Variants in CES5A observed in about 807,000 individuals in gnomAD.
CES5A encodes carboxylesterase 5.
Under a neutral mutation model 62.9 loss-of-function variants are expected in CES5A, and 67 were observed. The observed-to-expected ratio is 1.07, with a 90% CI of 0.88 to 1.31. The LOEUF (loss-of-function observed/expected upper bound fraction) is 1.31. CES5A is among the 50% of genes most tolerant of loss of function. CES5A has a pLI of 0.00. For synonymous variants in CES5A, 296 were observed against 280.8 expected, an observed-to-expected ratio of 1.05 and a Z score of -0.54; for missense variants, 748 against 708.5, an observed-to-expected ratio of 1.06 and a Z score of -0.63.
At chr16:55,850,447 T>C (rs1241651520) in intron 10 of CES5A, among the ~76,000 whole-genome samples, 1 of 152,228 alleles carries the variant, frequency 6.6e-6, no homozygotes, top group Non-Finnish European at 1.5e-5. Context: ...TTGCCTAATC[T>C]GAACATTTCG....
At chr16:55,921,172 T>C (rs574178934) in intron 1 of CES5A, among the ~76,000 whole-genome samples, 2 of 152,168 alleles carry the variant, frequency 1.3e-5, no homozygotes, top group South Asian at 4.2e-4. Flanking sequence ...CAAAGAGAGT[T>C]CAACAAGAAT....
chr16:55,882,491 G>A (rs1321774887), intron 1 of CES5A, among the ~76,000 whole-genome samples: 8 of 152,092 alleles, frequency 5.3e-5, no homozygotes, highest in African/African-American at 9.7e-5. Context: ...CGTTTCCACC[G>A]TCACAGGCCT....
chr16:55,846,638 A>C lies in CES5A; in HGVS notation c.1541T>G (p.Leu514Arg), dbSNP rs1312492449. The change falls in exon 13 of 13, where the codon CTG becomes CGG. Residue 514 changes from leucine to arginine, a missense_variant. Physicochemically the swap from Leu to Arg is moderately radical, Grantham distance 102 (BLOSUM62 -2). Coordinates refer to ENST00000290567, the MANE Select transcript of CES5A (RefSeq NM_001143685.2). ...NDLSLWPAYN[L>R]TEQYLQLDLN... is the part of the protein sequence containing the mutation. ...GTCCAGCTGGAGGTACTGCTCAGTC[A>C]GATTATAAGCTGGCCACAGAGACAG... 6.2e-7 allele frequency: 1 copy of C among 1,614,058 alleles called. No individual in the cohort carries two copies. The highest frequency in any genetic ancestry group is 1.1e-5 in the South Asian group (1 of 91,088).
rs758629767 is a variant in CES5A, at chr16:55,866,092, C to T, written c.576G>A (p.Gly192=). ...FFTTWDQHAP[G]NWAFKDQVAA... ...CCACCTGGTCCTTGAAGGCCCAGTT[C>T]CCCGGAGCATGCTGATCCCATGTGC... is the stretch of plus-strand genomic sequence containing the variant. The change falls in exon 5 of 13, where the codon GGG becomes GGA. Residue 192 remains glycine (G), a synonymous_variant. Coordinates refer to ENST00000290567, the MANE Select transcript of CES5A (RefSeq NM_001143685.2). 1.2e-6 allele frequency: 2 copies of T among 1,613,678 alleles called. No individual in the cohort carries two copies. Among genetic ancestry groups the T allele is most frequent in the East Asian group, 2.2e-5 (1 of 44,852 alleles).
intron 3 of CES5A, 106 bp from the exon 4 acceptor site, chr16:55,869,850 C>T (rs533173579): frequency 7.0e-7 from 1 of 1,431,632 alleles, no homozygotes; most frequent in African/African-American, 1.4e-5. Context: ...GTCCCACTTG[C>T]TAAGCAGGGT....
chr16:55,873,232 A>G (rs1426961356), intron 2 of CES5A, among the ~76,000 whole-genome samples: 1 of 152,160 alleles, frequency 6.6e-6, no homozygotes, highest in Non-Finnish European at 1.5e-5. Context: ...CCGAGCTTGG[A>G]AATCTGCAGT....
At chr16:55,858,997 C>G (rs1388457831) in intron 8 of CES5A, among the ~76,000 whole-genome samples, 1 of 152,166 alleles carries the variant, frequency 6.6e-6, no homozygotes, top group Non-Finnish European at 1.5e-5. Context: ...CGTGTCTTAT[C>G]TGTCTCTCCC....
At chr16:55,898,536 A>G (rs1267566470) in intron 1 of CES5A, among the ~76,000 whole-genome samples, 3 of 152,242 alleles carry the variant, frequency 2.0e-5, no homozygotes, top group Non-Finnish European at 4.4e-5. Flanking sequence ...ATAATGGCAC[A>G]TCATAGACAA....
In CES5A at chr16:55,909,165, G is replaced by T. The variant is rs74019325; in HGVS notation, c.-256+16158C>A. Among the ~76,000 whole-genome samples the T allele has an allele frequency of 5.9e-3, 897 of 152,266 alleles. 11 individuals are homozygous for T. Among genetic ancestry groups the T allele is most frequent in the African/African-American group, 0.019 (798 of 41,548 alleles). ...AGCCTCCTTACCTCTGAGAGACACT[G>T]CCCTCCACTTTCCCTCCAGAGCTGG... On this transcript the variant is annotated intron_variant, in intron 1 of 12. Coordinates refer to the CES5A transcript ENST00000518005.
intron 2 of CES5A, among the ~76,000 whole-genome samples, chr16:55,943,628 C>T (rs2034466348): frequency 6.6e-6 from 1 of 152,204 alleles, no homozygotes; most frequent in African/African-American, 2.4e-5. Context: ...ACATACATAT[C>T]CAGTAGCTTC....
intron 9 of CES5A, among the ~76,000 whole-genome samples, chr16:55,853,822 G>A (rs2033178599): frequency 6.6e-6 from 1 of 152,122 alleles, no homozygotes; most frequent in South Asian, 2.1e-4. Flanking sequence ...TGAAGATTCA[G>A]GGATCCGGTG....
intron 1 of CES5A, among the ~76,000 whole-genome samples, chr16:55,900,510 T>C (rs1437006790): frequency 6.6e-6 from 1 of 152,098 alleles, no homozygotes; most frequent in African/African-American, 2.4e-5. Flanking sequence ...GGGAATCCCA[T>C]AATAAAGCTT....
intron 11 of CES5A, among the ~76,000 whole-genome samples, chr16:55,848,219 C>T (rs1198777239): frequency 6.6e-6 from 1 of 152,170 alleles, no homozygotes; most frequent in Non-Finnish European, 1.5e-5. Context: ...ATCCTCCCAC[C>T]TCAGCCTCCT....
intron 1 of CES5A, among the ~76,000 whole-genome samples, chr16:55,921,922 G>T (rs1448717159): frequency 6.6e-6 from 1 of 151,778 alleles, no homozygotes; most frequent in Non-Finnish European, 1.5e-5. Flanking sequence ...AATTATTTTT[G>T]TTTCTATTCT....
chr16:55,853,022 G>T lies in CES5A; in HGVS notation c.1132C>A (p.Pro378Thr), dbSNP rs1370988317. 6.2e-7 allele frequency: 1 copy of T among 1,614,058 alleles called. No individual in the cohort carries two copies. The stretch of plus-strand genomic sequence containing the variant: ...GCCACAAGGTGCAAATACTGAGGCG[G>T]GATGTGCTGTAAAAATATCGTAGTC... ...LHLIQNILHI[P>T]PQYLHLVANE... The change falls in exon 10 of 13, where the codon CCG becomes ACG. Residue 378 changes from proline to threonine, a missense_variant. Transcript: ENST00000290567.
chr16:55,945,111 C>CCAG (rs2034480761), intron 2 of CES5A, among the ~76,000 whole-genome samples: 1 of 152,136 alleles, frequency 6.6e-6, no homozygotes, highest in Non-Finnish European at 1.5e-5. Flanking sequence ...AGTTCTTTGG[C>CCAG]TTGGAATGGG....
upstream of CES5A, among the ~76,000 whole-genome samples, chr16:55,927,779 C>A (rs2034273204): frequency 6.6e-6 from 1 of 152,066 alleles, no homozygotes. Flanking sequence ...GATATTTACC[C>A]AAAGGAAAAG....
rs1470903614 is a variant in CES5A, at chr16:55,951,617, C to T, written c.43-1715G>A. Among the ~76,000 whole-genome samples, 7 of 151,874 alleles carry T rather than the reference C, an allele frequency of 4.6e-5. No individual in the cohort carries two copies. The South Asian group carries it at 8.3e-4, about 18-fold the overall frequency. ...GAATACTGGAAATAGCTATGTTGTG[C>T]GAATTCTAAGAAAAAGAAAGCCAAG... On this transcript the variant is annotated intron_variant, in intron 1 of 13. Coordinates refer to the CES5A transcript ENST00000521992.
At chr16:55,852,779 G>T in intron 10 of CES5A, 102 bp downstream of exon 10, 1 of 1,338,502 alleles carries the variant, frequency 7.5e-7, no homozygotes, top group Non-Finnish European at 1.0e-6. Context: ...TTCCATGATA[G>T]AACAGAGGCA....
Sources: allele counts gnomAD v4.1 joint callset (sites outside exome capture counted in the v4.1 genomes callset), GRCh38; gene constraint gnomAD v4.1.1; transcripts MANE v1.5; gene names NCBI Gene and HGNC (gene_info 2026-07-23, HGNC 2026-07-21).